SLCO5A1: variants seen among roughly 807,000 people sequenced by gnomAD.
The protein encoded by SLCO5A1 is solute carrier organic anion transporter family member 5A1.
In SLCO5A1, 39 loss-of-function variants were observed where a neutral mutation model predicts 65.1. The observed-to-expected ratio is 0.60, with a 90% CI of 0.46 to 0.78. The LOEUF is 0.78. Ranked by LOEUF, SLCO5A1 falls within the 30% of genes least tolerant of loss-of-function variation. SLCO5A1 has a pLI of 0.00. For synonymous variants in SLCO5A1, 438 were observed against 415.7 expected (o/e 1.05, Z -0.65); for missense variants, 1,029 against 1,069.4 (o/e 0.96, Z 0.53).
intron 6 of SLCO5A1, among the ~76,000 whole-genome samples, chr8:69,686,931 G>A (rs1046022368): frequency 2.0e-5 from 3 of 152,178 alleles, no homozygotes; most frequent in Non-Finnish European, 4.4e-5. Flanking sequence ...TTTTATATTT[G>A]TAAACAGTTA....
chr8:69,798,250 A>G (rs956426667), intron 2 of SLCO5A1, among the ~76,000 whole-genome samples: 18 of 152,168 alleles, frequency 1.2e-4, no homozygotes, highest in Admixed American at 3.3e-4. Context: ...ATTTTCAGGT[A>G]TCTGTATGGC....
In SLCO5A1 at chr8:69,679,546, C is replaced by T; in HGVS notation, c.1856G>A (p.Ser619Asn). 6.2e-7 allele frequency: 1 copy of T among 1,614,230 alleles called. No individual in the cohort carries two copies. The highest frequency in any genetic ancestry group is 1.3e-5 in the African/African-American group (1 of 75,058). The change falls in exon 8 of 10, where the codon AGT becomes AAT. Residue 619 changes from serine to asparagine, a missense_variant. Physicochemically the swap from Ser to Asn is conservative, Grantham distance 46 (BLOSUM62 1). This residue lies in a region of SLCO5A1 where 124 missense variants were observed against 184.5 expected (regional missense o/e 0.67). Coordinates refer to ENST00000260126, the MANE Select transcript of SLCO5A1 (RefSeq NM_030958.3). ...VITPPTVGQRSQLRVVIVKTY... is the reference protein window; with the variant it reads ...VITPPTVGQRNQLRVVIVKTY... ...CTTGACAATAACCACACGGAGCTGA[C>T]TTCGCTGTCCCACGGTGGGTGGAGT...
At chr8:69,823,539 A>G (rs958772215) in intron 2 of SLCO5A1, among the ~76,000 whole-genome samples, 8 of 152,236 alleles carry the variant, frequency 5.3e-5, no homozygotes, top group Non-Finnish European at 1.0e-4. Flanking sequence ...AGGCCATTAC[A>G]TAATGGTAAA....
At chr8:69,692,199 A>T (rs1296338567) in intron 6 of SLCO5A1, among the ~76,000 whole-genome samples, 2 of 152,242 alleles carry the variant, frequency 1.3e-5, no homozygotes, top group African/African-American at 4.8e-5. Flanking sequence ...CAGTGAGCCA[A>T]GATCGTGCCA....
At chr8:69,728,053 A>C (rs1254427919) in intron 5 of SLCO5A1, among the ~76,000 whole-genome samples, 1 of 152,232 alleles carries the variant, frequency 6.6e-6, no homozygotes, top group Non-Finnish European at 1.5e-5. Flanking sequence ...AACGCCCATC[A>C]TTAGGGGACT....
At chr8:69,744,805 C>G (rs1471551048) in intron 4 of SLCO5A1, among the ~76,000 whole-genome samples, 3 of 152,112 alleles carry the variant, frequency 2.0e-5, no homozygotes. Flanking sequence ...TCCTGGGGAG[C>G]AGGTTAAGAG....
intron 2 of SLCO5A1, among the ~76,000 whole-genome samples, chr8:69,823,025 G>C (rs1191298994): frequency 1.3e-5 from 2 of 152,182 alleles, no homozygotes; most frequent in Non-Finnish European, 2.9e-5. Flanking sequence ...CCCAATCAGA[G>C]TTGTGGCTTT....
At chr8:69,684,205 AC>A (rs1813909410) in intron 6 of SLCO5A1, among the ~76,000 whole-genome samples, 1 of 152,182 alleles carries the variant, frequency 6.6e-6, no homozygotes, top group Non-Finnish European at 1.5e-5. Context: ...ATTATTCTAG[AC>A]TAGTGGGTCT....
chr8:69,775,274 G>A (rs1318912257), intron 2 of SLCO5A1, among the ~76,000 whole-genome samples: 1 of 152,124 alleles, frequency 6.6e-6, no homozygotes, highest in Non-Finnish European at 1.5e-5. Context: ...ATTATTTAGA[G>A]AATAATGTGT....
At position 69,832,616 on chromosome 8, in the gene SLCO5A1, T is replaced by C. The variant is rs2130932223; in HGVS notation, c.58A>G (p.Thr20Ala). The change falls in exon 2 of 10, where the codon ACT becomes GCT. Residue 20 changes from threonine to alanine, a missense_variant. Transcript: ENST00000260126. The surrounding 1 kb of genome is among the most constrained non-coding windows in gnomAD (Gnocchi z 4.5). ...GAGEQLEAPA[T>A]AEAVQERCEP... Reference sequence around the variant, plus strand: ...CACCTCTCTTGGACAGCTTCTGCAGTGGCCGGCGCCTCCAGCTGCTCTCCC... The same window carrying C: ...CACCTCTCTTGGACAGCTTCTGCAGCGGCCGGCGCCTCCAGCTGCTCTCCC... 1 of 1,611,022 alleles carries C rather than the reference T, an allele frequency of 6.2e-7. No homozygotes were observed. Among genetic ancestry groups the C allele is most frequent in the East Asian group, 2.2e-5 (1 of 44,876 alleles).
chr8:69,765,899 G>A lies in SLCO5A1; in HGVS notation c.908-4024C>T, dbSNP rs1161250567. Among the ~76,000 whole-genome samples the A allele has an allele frequency of 2.0e-5, 3 of 152,142 alleles. No individual in the cohort carries two copies. The East Asian group carries it at 5.8e-4, about 29-fold the overall frequency. On this transcript the variant is annotated intron_variant, in intron 2 of 9. Coordinates refer to ENST00000260126, the MANE Select transcript of SLCO5A1 (RefSeq NM_030958.3). ...AGGCCTGACTGTCCTCCCCTAAGTG[G>A]CCTCTCTCCTCAGAATCCCTGTAGA...
At chr8:69,708,840 G>A (rs1481677772) in intron 5 of SLCO5A1, among the ~76,000 whole-genome samples, 1 of 152,168 alleles carries the variant, frequency 6.6e-6, no homozygotes, top group Admixed American at 6.5e-5. Flanking sequence ...CCAAAAGGCA[G>A]AGGTTGCAGT....
At chr8:69,797,060 G>A (rs770417532) in intron 2 of SLCO5A1, among the ~76,000 whole-genome samples, 9 of 152,168 alleles carry the variant, frequency 5.9e-5, no homozygotes, top group Non-Finnish European at 8.8e-5. Flanking sequence ...CCTGTGTTGC[G>A]GGAAGTAAGG....
chr8:69,778,228 GGT>G (rs71556783), intron 2 of SLCO5A1, among the ~76,000 whole-genome samples: 28,379 of 142,424 alleles, frequency 0.2, 2,957 homozygotes, highest in African/African-American at 0.29. Flanking sequence ...ATATGTATGG[GGT>G]GTGTGTGTGT....
In SLCO5A1 at chr8:69,833,067, G is replaced by A. The variant is rs910861713; in HGVS notation, c.-394C>T. 1.3e-5 allele frequency: 3 copies of A among 229,674 alleles called. No homozygotes were observed. Among genetic ancestry groups the A allele is most frequent in the South Asian group, 8.2e-5 (1 of 12,202 alleles). 14.2% of individuals were successfully genotyped at this position (229,674 alleles called of 1,614,324 possible). On this transcript the variant is annotated 5_prime_UTR_variant, in exon 2 of 10. Transcript: ENST00000260126. The stretch of plus-strand genomic sequence containing the variant: ...TGCACCCTGCGCCGGGGGTGGGGGG[G>A]CACTTAGCGCTGCTGTCCGTACAGC...
chr8:69,694,298 G>T (rs17723025), intron 6 of SLCO5A1, among the ~76,000 whole-genome samples: 3,180 of 152,170 alleles, frequency 0.021, 69 homozygotes, highest in Non-Finnish European at 0.031. Flanking sequence ...TAAGCCTCAG[G>T]TTCTTTAACT....
At chr8:69,722,312 T>G (rs1205867169) in intron 5 of SLCO5A1, among the ~76,000 whole-genome samples, 1 of 152,170 alleles carries the variant, frequency 6.6e-6, no homozygotes, top group African/African-American at 2.4e-5. Flanking sequence ...CAAAGCACAT[T>G]CACATCAATT....
In SLCO5A1 at chr8:69,738,092, C is replaced by T; in HGVS notation, c.1371G>A (p.Lys457=). ...IVTAFITFIP[K]FIESQFGIPA... ...GGATACCAAACTGTGACTCGATGAA[C>T]TTGGGAATGAAGGTAATGAAAGCAG... is the stretch of plus-strand genomic sequence containing the variant. Residue 457 remains lysine (K), a synonymous_variant, in exon 5 of 10, where the codon AAG becomes AAA. Coordinates refer to ENST00000260126, the MANE Select transcript of SLCO5A1 (RefSeq NM_030958.3). 1 of 1,613,840 alleles carries T rather than the reference C, an allele frequency of 6.2e-7. No individual in the cohort carries two copies.
At chr8:69,754,217 A>G (rs1351746347) in intron 4 of SLCO5A1, among the ~76,000 whole-genome samples, 2 of 152,198 alleles carry the variant, frequency 1.3e-5, no homozygotes, top group South Asian at 2.1e-4. Context: ...TTATTAGAGC[A>G]TAAGAAGTCA....
Sources: gnomAD v4.1 joint callset for allele counts (sites outside exome capture counted in the v4.1 genomes callset) on GRCh38, gnomAD v4.1.1 for gene constraint, gnomAD v4.1.1 regional missense constraint, Gnocchi (gnomAD v3.1) non-coding constraint, MANE v1.5 for transcripts, NCBI Gene and HGNC (gene_info 2026-07-23, HGNC 2026-07-21) for gene names.